OLFM3: variants seen among roughly 807,000 people sequenced by gnomAD.
OLFM3 encodes olfactomedin 3.
Under a neutral mutation model 48.6 loss-of-function variants are expected in OLFM3, and 20 were observed. The ratio of observed to expected loss-of-function variants is 0.41; its 90% CI spans 0.29 to 0.60. The LOEUF (loss-of-function observed/expected upper bound fraction) is 0.60, where lower values mean the gene tolerates loss of function less well. Among genes scored for constraint, OLFM3 ranks in the 20% least tolerant of loss-of-function variants. The pLI is 0.28. For missense variants in OLFM3, 437 were observed against 544.3 expected (o/e 0.80, Z 1.96); for synonymous variants, 222 against 198.1 (o/e 1.12, Z -1.01).
intron 1 of OLFM3, among the ~76,000 whole-genome samples, chr1:101,943,480 T>C (rs7526775): frequency 0.4 from 60,772 of 151,864 alleles, 12,401 homozygotes; most frequent in East Asian, 0.51. Context: ...CAAATATCAA[T>C]TGAGTTAAAG....
rs1264848046 is a variant in OLFM3, at chr1:101,830,678, A to C, written c.366T>G (p.His122Gln). 6.2e-7 allele frequency: 1 copy of C among 1,614,150 alleles called. No homozygotes were observed. The highest frequency in any genetic ancestry group is 1.1e-5 in the South Asian group (1 of 91,076). Residue 122 changes from histidine to glutamine, a missense_variant, in exon 3 of 6, where the codon CAT becomes CAG. Coordinates refer to ENST00000370103, the MANE Select transcript of OLFM3 (RefSeq NM_058170.4). ...TTGCAGAAGTCAAACCTACCTGAAA[A>C]TGCTTGGTCATAAGTGTCTTTCGAT... Reference protein sequence around the residue: ...EDDRKTLMTKHFQELKEKMDE... With the variant: ...EDDRKTLMTKQFQELKEKMDE...
At chr1:101,891,149 C>T (rs1453495583) in intron 1 of OLFM3, among the ~76,000 whole-genome samples, 1 of 151,870 alleles carries the variant, frequency 6.6e-6, no homozygotes, top group Non-Finnish European at 1.5e-5. Context: ...GTTCTTGGTG[C>T]AAAAGAATAT....
chr1:101,834,769 G>A (rs1241251317), intron 2 of OLFM3, among the ~76,000 whole-genome samples: 1 of 152,164 alleles, frequency 6.6e-6, no homozygotes, highest in Non-Finnish European at 1.5e-5. Flanking sequence ...AAGGTATTAT[G>A]TTCTAGAATT....
rs545790597 is a variant in OLFM3 at position 101,967,717 on chromosome 1, T to C, written c.69+29031A>G. 7.2e-4 allele frequency among the ~76,000 whole-genome samples: 109 copies of C among 151,940 alleles called. 1 individual carries two copies. Among genetic ancestry groups the C allele is most frequent in the African/African-American group, 2.4e-3 (99 of 41,420 alleles). ...GAAAAAGAAATTGGTTTGGGAATTGTGTTATACAGTCATACCATGGAGGTG... is the reference window on the plus strand; with the variant it reads ...GAAAAAGAAATTGGTTTGGGAATTGCGTTATACAGTCATACCATGGAGGTG... On this transcript the variant is annotated intron_variant, in intron 1 of 5. Transcript: ENST00000370103.
chr1:101,814,653 TG>T (rs1654241435), intron 4 of OLFM3, among the ~76,000 whole-genome samples: 1 of 152,174 alleles, frequency 6.6e-6, no homozygotes, highest in African/African-American at 2.4e-5. Context: ...TTAAAGTGGT[TG>T]GGGACATGGG....
rs900566873 is a variant in OLFM3 at position 101,836,754 on chromosome 1, G to A, written c.216+125C>T. Reference sequence around the variant, plus strand: ...ACCCTTTCAAGGATCAGAAAAAAAAGCTTATCTGAGAAGGGGGACAAAAAT... The same window carrying A: ...ACCCTTTCAAGGATCAGAAAAAAAAACTTATCTGAGAAGGGGGACAAAAAT... On this transcript the variant is annotated intron_variant, in intron 2 of 5. Coordinates refer to ENST00000370103, the MANE Select transcript of OLFM3 (RefSeq NM_058170.4). The A allele has an allele frequency of 1.2e-5, 11 of 930,944 alleles. No individual in the cohort carries two copies. In the African/African-American group the frequency reaches 1.8e-4, roughly 15 times the overall value. 57.7% of individuals were successfully genotyped at this position (930,944 alleles called of 1,614,324 possible).
Position 101,845,552 on chromosome 1 carries a change from GA to G in OLFM3, c.70-8528del, listed in dbSNP as rs1027063662. 7.7e-4 allele frequency among the ~76,000 whole-genome samples: 116 copies of G among 151,118 alleles called. 1 individual carries two copies. The highest frequency in any genetic ancestry group is 6.8e-3 in the Admixed American group (103 of 15,170). On this transcript the variant is annotated intron_variant, in intron 1 of 5. Transcript: ENST00000370103. ...TGTTGAAATCTGGTACTTGGACATT[GA>G]AAAAAAAATTGGCTCAGTAAATATT...
intron 1 of OLFM3, among the ~76,000 whole-genome samples, chr1:101,980,992 C>T (rs1661091675): frequency 6.6e-6 from 1 of 152,188 alleles, no homozygotes; most frequent in Admixed American, 6.5e-5. Context: ...CTGCTCATTT[C>T]TCTGAAAATG....
chr1:101,830,914 A>G, intron 2 of OLFM3, 87 bp from the exon 3 acceptor site: 2 of 1,232,688 alleles, frequency 1.6e-6, no homozygotes, highest in East Asian at 2.4e-5. Flanking sequence ...CCGTTAACAT[A>G]AAAACTAGAA....
At chr1:101,969,422 C>A (rs1184137748) in intron 1 of OLFM3, among the ~76,000 whole-genome samples, 3 of 152,036 alleles carry the variant, frequency 2.0e-5, no homozygotes, top group Admixed American at 6.6e-5. Flanking sequence ...CCACCTCAGC[C>A]TCCCAAGAGT....
intron 4 of OLFM3, among the ~76,000 whole-genome samples, chr1:101,809,613 C>A (rs1162083077): frequency 6.6e-6 from 1 of 151,816 alleles, no homozygotes; most frequent in Admixed American, 6.6e-5. Flanking sequence ...AGAATGACAA[C>A]TATGCAGTGG....
At chr1:101,880,629 A>G (rs1657485923) in intron 1 of OLFM3, among the ~76,000 whole-genome samples, 1 of 151,742 alleles carries the variant, frequency 6.6e-6, no homozygotes, top group African/African-American at 2.4e-5. Flanking sequence ...AGTAACATGG[A>G]CTTGCCCCTA....
intron 1 of OLFM3, chr1:101,837,805 T>A (rs1441169068): frequency 6.6e-6 from 1 of 152,198 alleles, no homozygotes; most frequent in Non-Finnish European, 1.5e-5. Flanking sequence ...CATGCCATGT[T>A]GATTCATGTC....
chr1:101,982,548 C>T (rs1318043304), intron 1 of OLFM3, among the ~76,000 whole-genome samples: 1 of 152,202 alleles, frequency 6.6e-6, no homozygotes, highest in East Asian at 1.9e-4. Context: ...TGCATGCATA[C>T]GTGAAGTTGC....
chr1:101,833,464 G>A (rs953215047), intron 2 of OLFM3, among the ~76,000 whole-genome samples: 3 of 152,288 alleles, frequency 2.0e-5, no homozygotes, highest in Admixed American at 6.5e-5. Flanking sequence ...TACCCATGAC[G>A]ACATGAGTAA....
At chr1:101,913,234 A>G (rs1658816004) in intron 1 of OLFM3, among the ~76,000 whole-genome samples, 1 of 152,142 alleles carries the variant, frequency 6.6e-6, no homozygotes, top group Non-Finnish European at 1.5e-5. Flanking sequence ...GCAGCTATTG[A>G]TTTTCCACAT....
intron 1 of OLFM3, among the ~76,000 whole-genome samples, chr1:101,859,524 A>T (rs1047605768): frequency 9.2e-5 from 14 of 152,210 alleles, no homozygotes; most frequent in African/African-American, 3.4e-4. Context: ...TACAAGTTAA[A>T]TGTCTCTTAT....
Position 101,896,643 on chromosome 1 carries a change from G to C in OLFM3, c.70-59618C>G, listed in dbSNP as rs986598346. 1.1e-4 allele frequency among the ~76,000 whole-genome samples: 17 copies of C among 148,586 alleles called. No homozygotes were observed. The South Asian group carries it at 2.1e-3, about 19-fold the overall frequency. ...CCCAGTAGCTGGGACTACAGGCGCC[G>C]GCCACCACGCCCGGCTGATTTTTTG... On this transcript the variant is annotated intron_variant, in intron 1 of 5. Coordinates refer to ENST00000370103, the MANE Select transcript of OLFM3 (RefSeq NM_058170.4).
chr1:101,810,427 T>C (rs550337204), intron 4 of OLFM3, among the ~76,000 whole-genome samples: 1 of 152,130 alleles, frequency 6.6e-6, no homozygotes, highest in East Asian at 1.9e-4. Flanking sequence ...GGAGCAGAGC[T>C]AAAGAAGGAG....
Sources: allele counts gnomAD v4.1 joint callset (sites outside exome capture counted in the v4.1 genomes callset), GRCh38; gene constraint gnomAD v4.1.1; transcripts MANE v1.5; gene names NCBI Gene and HGNC (gene_info 2026-07-23, HGNC 2026-07-21).